Variants in DENND2B observed in about 807,000 individuals in gnomAD.
DENND2B encodes the protein DENN domain-containing protein 2B.
DENND2B carries 32 observed loss-of-function variants against 116.0 expected under a neutral mutation model. The observed-to-expected ratio is 0.28, with a 90% CI of 0.21 to 0.37. The LOEUF is 0.37. Among genes scored for constraint, DENND2B ranks in the 10% least tolerant of loss-of-function variants. DENND2B has a pLI of 1.00. For synonymous variants in DENND2B, 588 were observed against 583.9 expected, an observed-to-expected ratio of 1.01 and a Z score of -0.10; for missense variants, 1,276 against 1,477.7, an observed-to-expected ratio of 0.86 and a Z score of 2.24.
intron 2 of DENND2B, among the ~76,000 whole-genome samples, chr11:8,861,857 A>G (rs761951998): frequency 2.8e-4 from 42 of 152,218 alleles, no homozygotes; most frequent in Non-Finnish European, 4.8e-4. Context: ...ATAAAAAAAG[A>G]ATGAAATAAT....
chr11:8,874,939 G>T (rs2063826581), upstream of DENND2B, among the ~76,000 whole-genome samples: 1 of 151,274 alleles, frequency 6.6e-6, no homozygotes, highest in Admixed American at 6.6e-5. Flanking sequence ...AAAAGGTATT[G>T]GGGCTGTGGG....
intron 3 of DENND2B, among the ~76,000 whole-genome samples, chr11:8,850,017 C>T (rs1050805458): frequency 6.6e-6 from 1 of 152,034 alleles, no homozygotes; most frequent in African/African-American, 2.4e-5. Context: ...TGCCCATAAT[C>T]CCAGCTACTC....
In DENND2B at chr11:8,712,769, T is replaced by G; in HGVS notation, c.1988-34A>C. On this transcript the variant is annotated intron_variant, in intron 8 of 19. Coordinates refer to ENST00000313726, the MANE Select transcript of DENND2B (RefSeq NM_213618.2). This position sits in a 1 kb window ranked among gnomAD's most constrained non-coding sequence, Gnocchi z 4.4. ...AGGTTGCACATCAGGGAATGGACCC[T>G]CACAGGCCTCATGTTAACTCCTCTA... The G allele has an allele frequency of 6.3e-7, 1 of 1,584,232 alleles. No homozygotes were observed. Among genetic ancestry groups the G allele is most frequent in the Non-Finnish European group, 8.6e-7 (1 of 1,165,924 alleles).
chr11:8,730,339 A>G lies in DENND2B; in HGVS notation c.951T>C (p.Thr317=). The change falls in exon 3 of 20, where the codon ACT becomes ACC. Residue 317 remains threonine (T), a synonymous_variant. Coordinates refer to ENST00000313726, the MANE Select transcript of DENND2B (RefSeq NM_213618.2). This position sits in a 1 kb window ranked among gnomAD's most constrained non-coding sequence, Gnocchi z 4.1. ...CYSVDRGKRK[T]GTLGSLEEPA... ...GCTCCTCCAAGGAGCCCAAGGTTCC[A>G]GTCTTCCTTTTCCCCCGGTCCACGC... is the stretch of plus-strand genomic sequence containing the variant. 1 of 1,600,762 alleles carries G rather than the reference A, an allele frequency of 6.2e-7. No homozygotes were observed. The highest frequency in any genetic ancestry group is 8.5e-7 in the Non-Finnish European group (1 of 1,177,768).
intron 1 of DENND2B, among the ~76,000 whole-genome samples, chr11:8,886,509 T>C (rs534008396): frequency 6.6e-6 from 1 of 152,048 alleles, no homozygotes; most frequent in South Asian, 2.1e-4. Flanking sequence ...CAAGGCTACA[T>C]GTCAACTGCC....
chr11:8,811,248 T>C, upstream of DENND2B: 1 of 398,648 alleles, frequency 2.5e-6, no homozygotes, highest in Non-Finnish European at 4.4e-6. Context: ...TCTGCTTACC[T>C]TGCTGCCTGT....
At position 8,702,929 on chromosome 11, in the gene DENND2B, G is replaced by T; in HGVS notation, c.2572-209C>A. The T allele has an allele frequency of 1.6e-6, 1 of 617,734 alleles. No homozygotes were observed. The highest frequency in any genetic ancestry group is 2.7e-6 in the Non-Finnish European group (1 of 368,276). The allele number at this position is 617,734 out of a possible 1,614,324, so 38.3% of individuals were successfully genotyped here. ...ACTCGAACACCCAGCCTGTGGGCAAGAGGGCTGCCTGTGAAAGCGGGGAAG... is the reference window on the plus strand; with the variant it reads ...ACTCGAACACCCAGCCTGTGGGCAATAGGGCTGCCTGTGAAAGCGGGGAAG... On this transcript the variant is annotated intron_variant, in intron 13 of 19. Transcript: ENST00000313726. The surrounding 1 kb of genome is among the most constrained non-coding windows in gnomAD (Gnocchi z 4.6).
intron 4 of DENND2B, 200 bp from the exon 5 acceptor site, chr11:8,718,092 A>AGCCCAACCCCCCCCCCCCCCCCCCCC: frequency 8.1e-6 from 2 of 245,774 alleles, no homozygotes; most frequent in Non-Finnish European, 1.5e-5. Flanking sequence ...CCAGAAGCAG[A>AGCCCAACCCCCCCCCCCCCCCCCCCC]CCCACCCCCC....
chr11:8,719,421 T>C (rs896202455), intron 4 of DENND2B, among the ~76,000 whole-genome samples: 3 of 152,116 alleles, frequency 2.0e-5, no homozygotes, highest in Admixed American at 6.6e-5. Context: ...CAAAGATGGG[T>C]CACTGGGATT....
chr11:8,899,853 T>C (rs903306829), intron 1 of DENND2B, among the ~76,000 whole-genome samples: 6 of 152,194 alleles, frequency 3.9e-5, no homozygotes, highest in Admixed American at 2.0e-4. Context: ...TTAAAAGCCA[T>C]AAGAGCATAT....
intron 7 of DENND2B, 91 bp downstream of exon 7, chr11:8,714,519 G>T: frequency 1.8e-6 from 2 of 1,101,528 alleles, no homozygotes; most frequent in Non-Finnish European, 2.7e-6. Context: ...TCCTGGCAGG[G>T]CTCTACCCTC....
At chr11:8,748,536 C>A (rs1270683116) in intron 2 of DENND2B, among the ~76,000 whole-genome samples, 2 of 152,078 alleles carry the variant, frequency 1.3e-5, no homozygotes, top group Non-Finnish European at 2.9e-5. Context: ...ATACCTACAC[C>A]CCAGGGGTAG....
chr11:8,894,177 G>A (rs1304033226), intron 1 of DENND2B, among the ~76,000 whole-genome samples: 1 of 152,094 alleles, frequency 6.6e-6, no homozygotes, highest in Non-Finnish European at 1.5e-5. Context: ...AATGGTGCTG[G>A]GAAAACTTGC....
intron 1 of DENND2B, among the ~76,000 whole-genome samples, chr11:8,806,908 CT>C (rs71059181): frequency 2.0e-5 from 3 of 146,538 alleles, no homozygotes; most frequent in African/African-American, 2.5e-5. Flanking sequence ...GCCAGATGGT[CT>C]TTTTTTTTTT....
chr11:8,812,677 T>C (rs112982399), upstream of DENND2B, among the ~76,000 whole-genome samples: 1,968 of 152,300 alleles, frequency 0.013, 21 homozygotes, highest in Middle Eastern at 0.031. Flanking sequence ...CCATGTGCCA[T>C]TGGGCAAGTC....
At chr11:8,700,269 C>G (rs2041306487) in intron 14 of DENND2B, among the ~76,000 whole-genome samples, 1 of 152,178 alleles carries the variant, frequency 6.6e-6, no homozygotes, top group South Asian at 2.1e-4. Context: ...ACTGCTGTAC[C>G]CAGCTCATTC....
intron 1 of DENND2B, among the ~76,000 whole-genome samples, chr11:8,797,981 C>G (rs1202340769): frequency 6.6e-6 from 1 of 152,220 alleles, no homozygotes; most frequent in African/African-American, 2.4e-5. Context: ...TTCCCCAAAT[C>G]TGCACATTAA....
At chr11:8,732,247 AAATGTTTTTAC>A (rs2048246201) in intron 2 of DENND2B, among the ~76,000 whole-genome samples, 1 of 152,264 alleles carries the variant, frequency 6.6e-6, no homozygotes, top group Non-Finnish European at 1.5e-5. Context: ...ACTTCTGAAT[AAATGTTTTTAC>A]ATATGTTAAC....
chr11:8,825,255 T>C (rs1157560626), intron 4 of DENND2B, among the ~76,000 whole-genome samples: 1 of 152,214 alleles, frequency 6.6e-6, no homozygotes, highest in Admixed American at 6.5e-5. Flanking sequence ...TGGTTTTGAT[T>C]TGCATTTCTC....
Sources: gnomAD v4.1 joint callset for allele counts (sites outside exome capture counted in the v4.1 genomes callset) on GRCh38, gnomAD v4.1.1 for gene constraint, Gnocchi (gnomAD v3.1) non-coding constraint, MANE v1.5 for transcripts, NCBI Gene and HGNC (gene_info 2026-07-23, HGNC 2026-07-21) for gene names.